Variants in SEPTIN9 observed in about 807,000 individuals in gnomAD.
The protein encoded by SEPTIN9 is septin 9.
In SEPTIN9, 13 loss-of-function variants were observed where a neutral mutation model predicts 56.6. That is an observed-to-expected ratio of 0.23 (90% CI 0.15 to 0.37). The LOEUF (loss-of-function observed/expected upper bound fraction) is 0.37, where lower values mean the gene tolerates loss of function less well. Ranked by LOEUF, SEPTIN9 falls within the 10% of genes least tolerant of loss-of-function variation. The pLI, the probability that SEPTIN9 is intolerant of heterozygous loss-of-function variation, is 1.00. For synonymous variants in SEPTIN9, 332 were observed against 334.1 expected (o/e 0.99, Z 0.07); for missense variants, 650 against 823.1 (o/e 0.79, Z 2.57).
chr17:77,408,495 G>A (rs1231943905), intron 3 of SEPTIN9, among the ~76,000 whole-genome samples: 2 of 152,176 alleles, frequency 1.3e-5, no homozygotes, highest in African/African-American at 4.8e-5. Flanking sequence ...TACTTGGTCC[G>A]CACCGGGCCG....
chr17:77,484,465 G>A (rs1339427229), intron 4 of SEPTIN9, among the ~76,000 whole-genome samples: 1 of 147,178 alleles, frequency 6.8e-6, no homozygotes, highest in African/African-American at 2.5e-5. Flanking sequence ...TGGTGATTGT[G>A]GTGGTGGTGG....
At position 77,400,873 on chromosome 17, in the gene SEPTIN9, C is replaced by T. The variant is rs1360580412; in HGVS notation, c.77-1186C>T. Among the ~76,000 whole-genome samples the T allele has an allele frequency of 2.0e-5, 3 of 152,106 alleles. No homozygotes were observed. The highest frequency in any genetic ancestry group is 4.4e-5 in the Non-Finnish European group (3 of 68,018). ...GAGCGGCTGGCTCTCATTTGGAGTG[C>T]GGTTGTGGGGACTGTGGAGGTGGCA... On this transcript the variant is annotated intron_variant, in intron 2 of 11. Coordinates refer to ENST00000427177, the MANE Select transcript of SEPTIN9 (RefSeq NM_001113491.2). The surrounding 1 kb of genome is among the most constrained non-coding windows in gnomAD (Gnocchi z 4.1).
rs960463601 is a variant in SEPTIN9, at chr17:77,389,034, C to T, written c.77-13025C>T. 6.6e-5 allele frequency among the ~76,000 whole-genome samples: 10 copies of T among 151,930 alleles called. No individual in the cohort carries two copies. Among genetic ancestry groups the T allele is most frequent in the Non-Finnish European group, 8.8e-5 (6 of 67,988 alleles). ...CTGCCTGTGCCTGGCAGCTCTGTCCCGGGCCTCAGAACAGACACTGACCAA... is the reference window on the plus strand; with the variant it reads ...CTGCCTGTGCCTGGCAGCTCTGTCCTGGGCCTCAGAACAGACACTGACCAA... On this transcript the variant is annotated intron_variant, in intron 2 of 11. Coordinates refer to ENST00000427177, the MANE Select transcript of SEPTIN9 (RefSeq NM_001113491.2). The surrounding 1 kb of genome is among the most constrained non-coding windows in gnomAD (Gnocchi z 4.3).
chr17:77,301,784 C>T (rs1387650451), intron 1 of SEPTIN9, among the ~76,000 whole-genome samples: 1 of 152,186 alleles, frequency 6.6e-6, no homozygotes, highest in Non-Finnish European at 1.5e-5. Context: ...ATTGAATTGT[C>T]ATAACGCCTC....
intron 3 of SEPTIN9, among the ~76,000 whole-genome samples, chr17:77,462,693 G>A (rs2038532559): frequency 6.6e-6 from 1 of 152,182 alleles, no homozygotes; most frequent in African/African-American, 2.4e-5. Context: ...CCAGGCTGGA[G>A]TGCAGTGGCA....
intron 3 of SEPTIN9, among the ~76,000 whole-genome samples, chr17:77,471,310 G>A (rs1179658934): frequency 6.6e-6 from 1 of 152,152 alleles, no homozygotes; most frequent in East Asian, 1.9e-4. Context: ...CCAGCCCCCT[G>A]CTGTCTCTGA....
intron 4 of SEPTIN9, among the ~76,000 whole-genome samples, chr17:77,486,526 GCAC>G (rs1568114390): frequency 8.0e-4 from 86 of 107,534 alleles, no homozygotes; most frequent in South Asian, 1.7e-3. Context: ...GTGTGTGCGC[GCAC>G]GCGCGCGCGT....
At chr17:77,485,604 T>A (rs930730353) in intron 4 of SEPTIN9, among the ~76,000 whole-genome samples, 7 of 151,980 alleles carry the variant, frequency 4.6e-5, no homozygotes, top group African/African-American at 1.7e-4. Context: ...AGTATCCCAG[T>A]TGGCATCTCC....
chr17:77,385,418 C>T (rs903186949), intron 2 of SEPTIN9, among the ~76,000 whole-genome samples: 4 of 152,002 alleles, frequency 2.6e-5, no homozygotes, highest in Admixed American at 6.5e-5. Flanking sequence ...AGGGTTTCAC[C>T]ATGTTGACCA....
At chr17:77,479,787 G>C (rs1387591130) in intron 3 of SEPTIN9, among the ~76,000 whole-genome samples, 4 of 152,094 alleles carry the variant, frequency 2.6e-5, no homozygotes, top group Middle Eastern at 3.4e-3. Context: ...GGGGGAGGTG[G>C]GGGCGGGTAG....
chr17:77,440,585 C>T (rs987026100), intron 3 of SEPTIN9, among the ~76,000 whole-genome samples: 5 of 152,232 alleles, frequency 3.3e-5, no homozygotes, highest in Admixed American at 1.3e-4. Context: ...CAATTCAGAG[C>T]GGCCTGCGTC....
chr17:77,351,411 C>T (rs1170689006), intron 2 of SEPTIN9, among the ~76,000 whole-genome samples: 1 of 152,150 alleles, frequency 6.6e-6, no homozygotes, highest in Non-Finnish European at 1.5e-5. Context: ...GGGCTGGGGA[C>T]AGTTTATGTT....
intron 2 of SEPTIN9, among the ~76,000 whole-genome samples, chr17:77,337,117 C>T (rs116702531): frequency 0.015 from 2,328 of 151,630 alleles, 57 homozygotes; most frequent in African/African-American, 0.053. Flanking sequence ...CCTCCCACCT[C>T]AGCCTCCTAA....
In SEPTIN9 at chr17:77,353,326, A is replaced by G. The variant is rs1156312126; in HGVS notation, c.76+46129A>G. Among the ~76,000 whole-genome samples, 3 of 152,150 alleles carry G rather than the reference A, an allele frequency of 2.0e-5. No individual in the cohort carries two copies. The East Asian group carries it at 5.8e-4, about 29-fold the overall frequency. ...GTGGGTTGTCTGGTAGAAAGGGAGCATTTATTTTGAGTTCCCCCAAGATAT... is the reference window on the plus strand; with the variant it reads ...GTGGGTTGTCTGGTAGAAAGGGAGCGTTTATTTTGAGTTCCCCCAAGATAT... On this transcript the variant is annotated intron_variant, in intron 2 of 11. Coordinates refer to ENST00000427177, the MANE Select transcript of SEPTIN9 (RefSeq NM_001113491.2).
chr17:77,284,455 G>A (rs2031181030), intron 1 of SEPTIN9, among the ~76,000 whole-genome samples: 2 of 152,196 alleles, frequency 1.3e-5, no homozygotes, highest in South Asian at 2.1e-4. Context: ...TGGGGTGGAG[G>A]TAGTGGTAGT....
At chr17:77,471,869 G>A (rs1025196797) in intron 3 of SEPTIN9, among the ~76,000 whole-genome samples, 3 of 152,170 alleles carry the variant, frequency 2.0e-5, no homozygotes, top group Non-Finnish European at 2.9e-5. Flanking sequence ...GGTGGGGAAG[G>A]CATCAGGGCC....
rs538637940 is a variant in SEPTIN9, at chr17:77,487,545, C to A, written c.1035C>A (p.Ile345=). 2 of 1,613,388 alleles carry A rather than the reference C, an allele frequency of 1.2e-6. No homozygotes were observed. The highest frequency in any genetic ancestry group is 1.3e-5 in the African/African-American group (1 of 74,992). Residue 345 remains isoleucine (I), a synonymous_variant, in exon 5 of 12, where the codon ATC becomes ATA. Coordinates refer to ENST00000427177, the MANE Select transcript of SEPTIN9 (RefSeq NM_001113491.2). This position sits in a 1 kb window ranked among gnomAD's most constrained non-coding sequence, Gnocchi z 4.3. ...RIPKTIEIKS[I]THDIEEKGVR... ...CCAAGACCATCGAGATCAAGTCCAT[C>A]ACGCACGGTCAGTGGCCGGGAGTGG...
chr17:77,467,225 C>T (rs566849585), intron 3 of SEPTIN9, among the ~76,000 whole-genome samples: 6 of 152,314 alleles, frequency 3.9e-5, no homozygotes, highest in Admixed American at 1.3e-4. Flanking sequence ...GTCTTCCACG[C>T]GGTGCTTGGG....
chr17:77,354,450 A>T (rs551899948), intron 2 of SEPTIN9, among the ~76,000 whole-genome samples: 1 of 152,148 alleles, frequency 6.6e-6, no homozygotes, highest in Admixed American at 6.5e-5. Flanking sequence ...TAGCAGCCTC[A>T]TCTCCCTGGT....
Sources: gnomAD v4.1 joint callset for allele counts (sites outside exome capture counted in the v4.1 genomes callset) on GRCh38, gnomAD v4.1.1 for gene constraint, Gnocchi (gnomAD v3.1) non-coding constraint, MANE v1.5 for transcripts, NCBI Gene and HGNC (gene_info 2026-07-23, HGNC 2026-07-21) for gene names.